The following NRK variants were observed in gnomAD, a reference collection of about 807,000 sequenced individuals.
NRK encodes the protein nik-related protein kinase.
In NRK, 67 loss-of-function variants were observed where a neutral mutation model predicts 125.2. That is an observed-to-expected ratio of 0.54 (90% CI 0.44 to 0.66). The LOEUF (loss-of-function observed/expected upper bound fraction) is 0.66. Ranked by LOEUF, NRK falls within the 30% of genes least tolerant of loss-of-function variation. The pLI, the probability that NRK is intolerant of heterozygous loss-of-function variation, is 0.00. For synonymous variants in NRK, 458 were observed against 429.0 expected (o/e 1.07, Z -0.84); for missense variants, 1,224 against 1,192.9 (o/e 1.03, Z -0.38).
chrX:105,926,208 A>T (rs1005227352), intron 19 of NRK, among the ~76,000 whole-genome samples: 1 of 111,045 alleles, frequency 9.0e-6, no homozygotes, highest in East Asian at 2.8e-4. Context: ...TTATGTTGAA[A>T]TTTTTTTTCA....
At chrX:105,878,784 G>T (rs2039848475) in intron 2 of NRK, among the ~76,000 whole-genome samples, 1 of 111,368 alleles carries the variant, frequency 9.0e-6, no homozygotes, top group South Asian at 3.8e-4. Context: ...CTTGTGCCTT[G>T]ATTACTAGTC....
At chrX:105,894,770 A>C (rs1470938305) in intron 6 of NRK, among the ~76,000 whole-genome samples, 1 of 112,251 alleles carries the variant, frequency 8.9e-6, no homozygotes, top group Non-Finnish European at 1.9e-5. Flanking sequence ...TAAAGCACTT[A>C]GTACAATCCT....
chrX:105,936,424 A>G (rs2040666409), intron 21 of NRK, among the ~76,000 whole-genome samples: 1 of 112,115 alleles, frequency 8.9e-6, no homozygotes, highest in African/African-American at 3.2e-5. Flanking sequence ...AGATTATAGT[A>G]AAAATTGGCT....
chrX:105,956,575 A>G lies in NRK; in HGVS notation c.*975A>G, dbSNP rs1214513307. Reference sequence around the variant, plus strand: ...TAAACAAAAAGAATTAAACATAACTATGAAAAAACTTTGCTAATATCTGTG... The same window carrying G: ...TAAACAAAAAGAATTAAACATAACTGTGAAAAAACTTTGCTAATATCTGTG... On this transcript the variant is annotated 3_prime_UTR_variant, in exon 29 of 29. Transcript: ENST00000243300. The G allele has an allele frequency of 8.9e-6, 1 of 112,266 alleles. No individual in the cohort carries two copies. The highest frequency in any genetic ancestry group is 1.9e-5 in the Non-Finnish European group (1 of 53,234). 9.3% of individuals were successfully genotyped at this position (112,266 alleles called of 1,213,427 possible).
rs1173968194 is a variant in NRK at position 105,958,115 on chromosome X, CA to C, written c.*2517del. The C allele has an allele frequency of 9.0e-6, 1 of 111,461 alleles. No homozygotes were observed. Among genetic ancestry groups the C allele is most frequent in the Non-Finnish European group, 1.9e-5 (1 of 53,154 alleles). The allele number at this position is 111,461 out of a possible 1,213,427, so 9.2% of individuals were successfully genotyped here. On this transcript the variant is annotated 3_prime_UTR_variant, in exon 29 of 29. Coordinates refer to ENST00000243300, the MANE Select transcript of NRK (RefSeq NM_198465.4). The stretch of plus-strand genomic sequence containing the variant: ...TTATTTTGGTGTAATTTAGGTTTTT[CA>C]ACAAAGCCCTTGTCTAAAATAAAAG...
intron 2 of NRK, among the ~76,000 whole-genome samples, chrX:105,844,013 G>C (rs56058556): frequency 2.3e-5 from 2 of 86,428 alleles, no homozygotes; most frequent in African/African-American, 6.0e-5. Flanking sequence ...GTGTGTGTGT[G>C]TGTGTCTGTG....
In NRK at chrX:105,822,570, C is replaced by T. The variant is rs1030107613; in HGVS notation, c.-276C>T. ...AGCGCTCTCGACACGGAGCACCCTTCTAGCTTCTTCGTCTCCAGGACTGAC... is the reference window on the plus strand; with the variant it reads ...AGCGCTCTCGACACGGAGCACCCTTTTAGCTTCTTCGTCTCCAGGACTGAC... On this transcript the variant is annotated 5_prime_UTR_variant, in exon 1 of 29. Transcript: ENST00000243300. 3 of 400,870 alleles carry T rather than the reference C, an allele frequency of 7.5e-6. No individual in the cohort carries two copies. Among genetic ancestry groups the T allele is most frequent in the Non-Finnish European group, 1.3e-5 (3 of 228,387 alleles). 33.0% of individuals were successfully genotyped at this position (400,870 alleles called of 1,213,427 possible).
At chrX:105,922,756 G>C (rs965517466) in intron 17 of NRK, among the ~76,000 whole-genome samples, 4 of 111,775 alleles carry the variant, frequency 3.6e-5, no homozygotes, top group Admixed American at 2.9e-4. Flanking sequence ...TTCAAGAGCT[G>C]TGTGTTAATC....
At chrX:105,837,943 G>A (rs1016383207) in intron 2 of NRK, among the ~76,000 whole-genome samples, 1 of 111,591 alleles carries the variant, frequency 9.0e-6, no homozygotes, top group African/African-American at 3.3e-5. Flanking sequence ...CAAAATTGGA[G>A]GTGGCAACCT....
chrX:105,826,283 AT>A (rs2039103816), intron 1 of NRK, among the ~76,000 whole-genome samples: 4 of 66,263 alleles, frequency 6.0e-5, no homozygotes, highest in East Asian at 7.6e-4. Context: ...TATATATGAA[AT>A]ATATATTATC....
chrX:105,916,095 C>T (rs750103734), intron 15 of NRK, among the ~76,000 whole-genome samples: 2 of 110,581 alleles, frequency 1.8e-5, no homozygotes, highest in South Asian at 3.8e-4. Context: ...AATTAGTAGT[C>T]GATGATAAAA....
chrX:105,898,086 T>C (rs1015414805), intron 7 of NRK, among the ~76,000 whole-genome samples: 19 of 112,279 alleles, frequency 1.7e-4, no homozygotes, highest in Non-Finnish European at 1.3e-4. Context: ...AATACCTGCA[T>C]CTGATTCAAA....
At chrX:105,891,089 A>G (rs2040010850) in intron 5 of NRK, among the ~76,000 whole-genome samples, 1 of 112,189 alleles carries the variant, frequency 8.9e-6, no homozygotes, top group Non-Finnish European at 1.9e-5. Flanking sequence ...ACATGAGCAT[A>G]TGGGTGCATT....
intron 2 of NRK, among the ~76,000 whole-genome samples, chrX:105,834,718 C>A (rs182510080): frequency 9.1e-6 from 1 of 110,247 alleles, no homozygotes; most frequent in East Asian, 2.9e-4. Flanking sequence ...GTGTTTCATT[C>A]TTTTTTTTCT....
rs1249898937 is a variant in NRK, at chrX:105,871,425, G to A, written c.124-8774G>A. On this transcript the variant is annotated intron_variant, in intron 2 of 28. Coordinates refer to ENST00000243300, the MANE Select transcript of NRK (RefSeq NM_198465.4). ...TATCATGGAGCCCACTGGGCTTTGG[G>A]CTCCCTCTAACTCTTCTCCCATATT... 1.5e-4 allele frequency among the ~76,000 whole-genome samples: 17 copies of A among 110,550 alleles called. No individual in the cohort carries two copies. In the Admixed American group the frequency reaches 1.6e-3, roughly 11 times the overall value.
Position 105,909,804 on chromosome X carries a change from A to G in NRK, c.2163A>G (p.Glu721=), listed in dbSNP as rs752431910. The G allele has an allele frequency of 3.8e-4, 453 of 1,181,423 alleles. 2 individuals carry two copies. Among genetic ancestry groups the G allele is most frequent in the Middle Eastern group, 4.6e-4 (2 of 4,340 alleles). ...RPEKLELSDL[E]ARRQRRQRRW... is the part of the protein sequence containing the mutation. ...AAAAGCTTGAACTCTCGGATTTAGA[A>G]GCCCGCAGGCAAAGGCGCCAACGCA... The change falls in exon 13 of 29, where the codon GAA becomes GAG. Residue 721 remains glutamate, a synonymous_variant. Coordinates refer to ENST00000243300, the MANE Select transcript of NRK (RefSeq NM_198465.4).
intron 14 of NRK, 25 bp downstream of exon 14, chrX:105,912,780 G>A: frequency 1.3e-6 from 1 of 756,446 alleles, no homozygotes; most frequent in Non-Finnish European, 1.9e-6. Context: ...ATGAGTTGTT[G>A]TGACATTAGT....
chrX:105,908,629 G>A (rs1602660995), intron 12 of NRK, 98 bp from the exon 13 acceptor site: 2 of 1,072,179 alleles, frequency 1.9e-6, no homozygotes, highest in East Asian at 6.5e-5. Context: ...CTTCATTGCA[G>A]AAAATGTCCA....
rs766533231 is a variant in NRK at position 105,908,920 on chromosome X, A to G, written c.1279A>G (p.Lys427Glu). ...ACTGCAGGCTCTGGACAGTGCACCT[A>G]AGCCTCTAAAGGGGCAGGCTCAGGC... ...MPLQALDSAP[K>E]PLKGQAQAPQ... Residue 427 changes from lysine (K) to glutamate (E), a missense_variant, in exon 13 of 29, where the codon AAG becomes GAG. Coordinates refer to ENST00000243300, the MANE Select transcript of NRK (RefSeq NM_198465.4). The G allele has an allele frequency of 3.3e-5, 40 of 1,210,264 alleles. No homozygotes were observed. Among genetic ancestry groups the G allele is most frequent in the Non-Finnish European group, 4.2e-5 (38 of 894,389 alleles).
Sources: allele counts gnomAD v4.1 joint callset (sites outside exome capture counted in the v4.1 genomes callset), GRCh38; gene constraint gnomAD v4.1.1; transcripts MANE v1.5; gene names NCBI Gene and HGNC (gene_info 2026-07-23, HGNC 2026-07-21).